HHAT: variants seen among roughly 807,000 people sequenced by gnomAD.
The protein encoded by HHAT is protein-cysteine N-palmitoyltransferase HHAT.
HHAT carries 47 observed loss-of-function variants against 70.8 expected under a neutral mutation model. That is an observed-to-expected ratio of 0.66 (90% CI 0.53 to 0.85). The LOEUF (loss-of-function observed/expected upper bound fraction) is 0.85, where lower values mean the gene tolerates loss of function less well. Ranked by LOEUF, HHAT falls within the 40% of genes least tolerant of loss-of-function variation. HHAT has a pLI of 0.00. For synonymous variants in HHAT, 228 were observed against 247.6 expected, an observed-to-expected ratio of 0.92 and a Z score of 0.74; for missense variants, 609 against 604.8, an observed-to-expected ratio of 1.01 and a Z score of -0.07.
At chr1:210,346,141 A>G (rs567841983) in intron 1 of HHAT, among the ~76,000 whole-genome samples, 2 of 152,254 alleles carry the variant, frequency 1.3e-5, no homozygotes, top group South Asian at 4.1e-4. Flanking sequence ...TGAGGATTAA[A>G]TCCTTAATGC....
intron 3 of HHAT, among the ~76,000 whole-genome samples, chr1:210,370,325 T>G (rs1317809593): frequency 6.6e-6 from 1 of 150,866 alleles, no homozygotes; most frequent in Non-Finnish European, 1.5e-5. Flanking sequence ...CAGGTGCCCA[T>G]CACCATGCCT....
At chr1:210,668,457 A>G (rs2148977789) in intron 11 of HHAT, among the ~76,000 whole-genome samples, 1 of 152,292 alleles carries the variant, frequency 6.6e-6, no homozygotes, top group African/African-American at 2.4e-5. Context: ...AATAGTGAGT[A>G]AGTCTCATGA....
chr1:210,633,356 A>G (rs967151087), intron 11 of HHAT, among the ~76,000 whole-genome samples: 1 of 152,228 alleles, frequency 6.6e-6, no homozygotes, highest in Non-Finnish European at 1.5e-5. Flanking sequence ...GGATGGGAGT[A>G]GTCAAATGCC....
intron 11 of HHAT, among the ~76,000 whole-genome samples, chr1:210,657,678 A>G (rs531209241): frequency 6.6e-6 from 1 of 152,240 alleles, no homozygotes. Flanking sequence ...ATGTTCACGT[A>G]GTTTAGGCAT....
At chr1:210,532,249 A>C (rs2095322578) in intron 9 of HHAT, among the ~76,000 whole-genome samples, 1 of 152,236 alleles carries the variant, frequency 6.6e-6, no homozygotes, top group African/African-American at 2.4e-5. Context: ...TGAACTGGAA[A>C]ACATTTAGCT....
chr1:210,483,623 G>T (rs1437861208), intron 8 of HHAT, among the ~76,000 whole-genome samples: 2 of 120,076 alleles, frequency 1.7e-5, no homozygotes, highest in African/African-American at 2.9e-5. Context: ...TCTAAATAAA[G>T]CCTAAAATGC....
chr1:210,387,404 G>T, intron 3 of HHAT, 64 bp from the exon 4 acceptor site: 3 of 1,314,658 alleles, frequency 2.3e-6, no homozygotes, highest in Non-Finnish European at 3.3e-6. Context: ...TTATTAACTG[G>T]AGTTTGTGTT....
Position 210,587,967 on chromosome 1 carries a change from A to G in HHAT, c.1113A>G (p.Thr371=), listed in dbSNP as rs371012888. Residue 371 remains threonine (T), a synonymous_variant, in exon 10 of 12, where the codon ACA becomes ACG. Transcript: ENST00000261458. ...GGACACTGTTTTCCACGGCGATGACATTTGCATTTGTGAGCTACTGGCATG... is the reference window on the plus strand; with the variant it reads ...GGACACTGTTTTCCACGGCGATGACGTTTGCATTTGTGAGCTACTGGCATG... ...LLGTLFSTAM[T]FAFVSYWHGG... 71 of 1,613,920 alleles carry G rather than the reference A, an allele frequency of 4.4e-5. No homozygotes were observed. The highest frequency in any genetic ancestry group is 5.3e-5 in the Non-Finnish European group (62 of 1,180,006).
At chr1:210,426,466 T>C (rs147607551) in intron 7 of HHAT, among the ~76,000 whole-genome samples, 4 of 152,292 alleles carry the variant, frequency 2.6e-5, no homozygotes, top group African/African-American at 9.6e-5. Context: ...AGTATGATGT[T>C]GGCTGTGGGT....
At chr1:210,445,281 C>G (rs2093612790) in intron 7 of HHAT, among the ~76,000 whole-genome samples, 4 of 152,212 alleles carry the variant, frequency 2.6e-5, no homozygotes. Context: ...TCCAGATAAT[C>G]TACAAGGATT....
At chr1:210,523,611 TGTGC>T (rs1355755057) in intron 9 of HHAT, among the ~76,000 whole-genome samples, 2 of 152,048 alleles carry the variant, frequency 1.3e-5, no homozygotes, top group African/African-American at 2.4e-5. Context: ...TGTGTGTGTG[TGTGC>T]GCGCGCACAC....
intron 9 of HHAT, among the ~76,000 whole-genome samples, chr1:210,557,363 C>A (rs1455183013): frequency 6.6e-6 from 1 of 152,160 alleles, no homozygotes; most frequent in Non-Finnish European, 1.5e-5. Flanking sequence ...CTTTCCAACT[C>A]CTGAAACCCC....
chr1:210,626,294 G>A (rs542087811), intron 11 of HHAT, among the ~76,000 whole-genome samples: 5 of 152,236 alleles, frequency 3.3e-5, no homozygotes, highest in Admixed American at 6.5e-5. Context: ...CTGAAAACCC[G>A]GTCTGCTGCT....
intron 1 of HHAT, chr1:210,329,405 C>T: frequency 8.9e-7 from 1 of 1,123,480 alleles, no homozygotes; most frequent in Non-Finnish European, 1.1e-6. Flanking sequence ...GGAACTGCTG[C>T]GGGGAGTTGC....
chr1:210,560,574 G>C (rs2095612106), intron 9 of HHAT, among the ~76,000 whole-genome samples: 1 of 151,534 alleles, frequency 6.6e-6, no homozygotes, highest in South Asian at 2.1e-4. Context: ...CCATTACTTT[G>C]GGAGGCTGAG....
At chr1:210,539,778 C>A (rs1162438114) in intron 9 of HHAT, among the ~76,000 whole-genome samples, 1 of 151,998 alleles carries the variant, frequency 6.6e-6, no homozygotes, top group East Asian at 1.9e-4. Context: ...TGTTTCAGTG[C>A]CTTTTTTGTG....
intron 8 of HHAT, among the ~76,000 whole-genome samples, chr1:210,498,463 G>C (rs544330310): frequency 3.3e-5 from 5 of 152,296 alleles, no homozygotes; most frequent in African/African-American, 1.2e-4. Context: ...ACCACTGGTA[G>C]CTTGAGTGAG....
chr1:210,637,267 C>T (rs1489944370), intron 11 of HHAT, among the ~76,000 whole-genome samples: 1 of 152,054 alleles, frequency 6.6e-6, no homozygotes, highest in East Asian at 1.9e-4. Flanking sequence ...CAAAAGTTAA[C>T]TCAAAATGGA....
chr1:210,383,845 CT>C (rs2090843198), intron 3 of HHAT, among the ~76,000 whole-genome samples: 1 of 152,194 alleles, frequency 6.6e-6, no homozygotes, highest in Admixed American at 6.5e-5. Context: ...AAAACACATA[CT>C]CGAGTGTTCA....
Sources: allele counts gnomAD v4.1 joint callset (sites outside exome capture counted in the v4.1 genomes callset), GRCh38; gene constraint gnomAD v4.1.1; transcripts MANE v1.5; gene names NCBI Gene and HGNC (gene_info 2026-07-23, HGNC 2026-07-21).